Variants in TNS1 observed in about 807,000 individuals in gnomAD.
TNS1 encodes the protein tensin-1.
A neutral mutation model predicts 168.6 loss-of-function variants in TNS1; 62 were observed. The observed-to-expected ratio is 0.37, with a 90% confidence interval of 0.30 to 0.45. TNS1 has a LOEUF of 0.45. Ranked by LOEUF, TNS1 falls within the 20% of genes least tolerant of loss-of-function variation. The pLI is 1.00. For missense variants in TNS1, 2,240 were observed against 2,339.4 expected, an observed-to-expected ratio of 0.96 and a Z score of 0.88; for synonymous variants, 934 against 933.2, an observed-to-expected ratio of 1.00 and a Z score of -0.02.
intron 1 of TNS1, among the ~76,000 whole-genome samples, chr2:218,021,053 A>G (rs1432641213): frequency 6.6e-6 from 1 of 152,252 alleles, no homozygotes; most frequent in Non-Finnish European, 1.5e-5. Flanking sequence ...TGGAACTGTT[A>G]AAGCCCAAGT....
At chr2:217,873,888 C>T (rs1255240837) in intron 18 of TNS1, among the ~76,000 whole-genome samples, 4 of 152,118 alleles carry the variant, frequency 2.6e-5, no homozygotes, top group Non-Finnish European at 5.9e-5. Context: ...GCCTGTGCAA[C>T]CCCACCAGGC....
intron 4 of TNS1, among the ~76,000 whole-genome samples, chr2:217,917,106 C>T (rs527415132): frequency 2.0e-5 from 3 of 152,320 alleles, no homozygotes; most frequent in Non-Finnish European, 4.4e-5. Context: ...TCCCCTGGGC[C>T]ACTTTCCCAC....
At chr2:217,987,767 A>G (rs1229899266) in intron 2 of TNS1, among the ~76,000 whole-genome samples, 26 of 152,178 alleles carry the variant, frequency 1.7e-4, no homozygotes, top group Admixed American at 1.7e-3. Context: ...AGCAGAGTAA[A>G]CCCACTGAGT....
At chr2:218,026,477 A>G (rs1184231733) in intron 1 of TNS1, among the ~76,000 whole-genome samples, 1 of 152,226 alleles carries the variant, frequency 6.6e-6, no homozygotes. Context: ...AGAGGAGACC[A>G]GGAGCCTGCT....
chr2:217,963,209 A>G (rs540505159), intron 3 of TNS1, among the ~76,000 whole-genome samples: 1 of 152,342 alleles, frequency 6.6e-6, no homozygotes, highest in Admixed American at 6.5e-5. Flanking sequence ...CAGACAAGGG[A>G]TGCTCAGACT....
In TNS1 at chr2:217,907,209, C is replaced by T. The variant is rs1271691810; in HGVS notation, c.270+1G>A. The T allele has an allele frequency of 2.8e-6, 2 of 703,088 alleles. No individual in the cohort carries two copies. The highest frequency in any genetic ancestry group is 3.5e-5 in the African/African-American group (2 of 57,282). 43.6% of individuals were successfully genotyped at this position (703,088 alleles called of 1,614,324 possible). On this transcript the variant is annotated splice_donor_variant, in intron 5 of 32. Transcript: ENST00000682258. LOFTEE classifies it high-confidence loss of function. ...CCCCACCACCACCTGCCATCACTCA[C>T]CTTGTCCACTACATTCTTTGGTGCA...
In TNS1 at chr2:217,999,621, TC is replaced by T. The variant is rs377669939; in HGVS notation, c.33+3218del. 1.1e-3 allele frequency among the ~76,000 whole-genome samples: 170 copies of T among 152,268 alleles called. 1 individual carries two copies. Among genetic ancestry groups the T allele is most frequent in the African/African-American group, 3.8e-3 (159 of 41,536 alleles). Reference sequence around the variant, plus strand: ...TGATTCTCATGCAGCCCAGCCTACCTCCCAAACCCACAGTCAGGAGGCCCTT... The same window carrying T: ...TGATTCTCATGCAGCCCAGCCTACCTCCAAACCCACAGTCAGGAGGCCCTT... On this transcript the variant is annotated intron_variant, in intron 1 of 32. Coordinates refer to ENST00000682258, the MANE Select transcript of TNS1 (RefSeq NM_001387777.1).
chr2:217,827,704 G>A (rs1943820504), intron 22 of TNS1, among the ~76,000 whole-genome samples: 1 of 152,228 alleles, frequency 6.6e-6, no homozygotes, highest in African/African-American at 2.4e-5. Context: ...CAGTGCTGAT[G>A]TCAGCTGCAT....
chr2:217,939,571 G>A (rs1347277111), intron 3 of TNS1, among the ~76,000 whole-genome samples: 1 of 152,234 alleles, frequency 6.6e-6, no homozygotes, highest in Admixed American at 6.5e-5. Flanking sequence ...GAAGGTCCCT[G>A]GGGGAAATGG....
intron 1 of TNS1, among the ~76,000 whole-genome samples, chr2:217,998,553 T>G (rs1050142563): frequency 6.6e-6 from 1 of 152,078 alleles, no homozygotes; most frequent in Non-Finnish European, 1.5e-5. Context: ...TGGGCTGGAG[T>G]GCAGTGGTGT....
intron 24 of TNS1, among the ~76,000 whole-genome samples, chr2:217,816,046 G>A (rs979945615): frequency 1.3e-4 from 20 of 152,144 alleles, no homozygotes; most frequent in African/African-American, 4.8e-4. Flanking sequence ...ATTCTGGAGG[G>A]AGCTCAGACA....
At chr2:217,901,237 T>G (rs1052202423) in intron 6 of TNS1, among the ~76,000 whole-genome samples, 1 of 152,150 alleles carries the variant, frequency 6.6e-6, no homozygotes, top group African/African-American at 2.4e-5. Flanking sequence ...CCACAGAGTT[T>G]GGATTCCAGG....
chr2:217,913,168 T>C (rs1461427049), intron 4 of TNS1, among the ~76,000 whole-genome samples: 1 of 152,124 alleles, frequency 6.6e-6, no homozygotes, highest in Non-Finnish European at 1.5e-5. Context: ...CCCTGAAGTA[T>C]ATCTGCTCAG....
At chr2:217,864,421 G>A (rs1476539036) in intron 18 of TNS1, among the ~76,000 whole-genome samples, 1 of 152,206 alleles carries the variant, frequency 6.6e-6, no homozygotes, top group Non-Finnish European at 1.5e-5. Context: ...TCCTGATAAA[G>A]AAACTAAGGC....
At chr2:217,808,861 G>A (rs1056854551) in intron 30 of TNS1, among the ~76,000 whole-genome samples, 190 bp from the exon 31 acceptor site, 8 of 152,288 alleles carry the variant, frequency 5.3e-5, no homozygotes, top group South Asian at 4.1e-4. Context: ...AGACAGATGT[G>A]CCATAGAATC....
chr2:217,929,589 G>A (rs780818804), intron 3 of TNS1, among the ~76,000 whole-genome samples: 36 of 152,250 alleles, frequency 2.4e-4, no homozygotes, highest in Admixed American at 7.8e-4. Flanking sequence ...TCAGCATCCT[G>A]GTTTCATGAT....
chr2:217,931,799 C>T (rs907529168), intron 3 of TNS1, among the ~76,000 whole-genome samples: 9 of 152,126 alleles, frequency 5.9e-5, no homozygotes, highest in South Asian at 2.1e-4. Flanking sequence ...ATTCCATTTT[C>T]GGAAACGTTA....
chr2:217,829,842 AC>A, intron 22 of TNS1: 1 of 1,614,082 alleles, frequency 6.2e-7, no homozygotes, highest in Middle Eastern at 1.6e-4. Context: ...AATGCTACTT[AC>A]CTTCTGACAG....
chr2:217,994,328 T>G (rs1281924223), intron 1 of TNS1, among the ~76,000 whole-genome samples: 1 of 151,814 alleles, frequency 6.6e-6, no homozygotes, highest in Non-Finnish European at 1.5e-5. Flanking sequence ...CAGTGTCAAC[T>G]GCAGCAGTCC....
Sources: gnomAD v4.1 joint callset for allele counts (sites outside exome capture counted in the v4.1 genomes callset) on GRCh38, gnomAD v4.1.1 for gene constraint, MANE v1.5 for transcripts, NCBI Gene and HGNC (gene_info 2026-07-23, HGNC 2026-07-21) for gene names.